The following CHCHD6 variants were observed in gnomAD, a reference collection of about 807,000 sequenced individuals.
CHCHD6 encodes the protein coiled-coil-helix-coiled-coil-helix domain containing 6.
CHCHD6 carries 28 observed loss-of-function variants against 32.3 expected under a neutral mutation model. That is an observed-to-expected ratio of 0.87 (90% confidence interval 0.64 to 1.19). The LOEUF (loss-of-function observed/expected upper bound fraction) is 1.19. Among genes scored for constraint, CHCHD6 ranks in the 50% most tolerant of loss-of-function variants. The pLI is 0.00. For missense variants in CHCHD6, 333 were observed against 307.0 expected, an observed-to-expected ratio of 1.08 and a Z score of -0.63; for synonymous variants, 122 against 117.5, an observed-to-expected ratio of 1.04 and a Z score of -0.25.
chr3:126,726,047 T>G (rs527992998), intron 1 of CHCHD6, among the ~76,000 whole-genome samples: 2 of 152,340 alleles, frequency 1.3e-5, no homozygotes, highest in Non-Finnish European at 2.9e-5. Flanking sequence ...CAACAACTTT[T>G]CCTAACTTGG....
Position 126,955,787 on chromosome 3 carries a change from C to G in CHCHD6, c.567-1629C>G, listed in dbSNP as rs147854134. 9.6e-3 allele frequency among the ~76,000 whole-genome samples: 1,466 copies of G among 152,254 alleles called. 6 individuals carry two copies. The highest frequency in any genetic ancestry group is 0.017 in the Non-Finnish European group (1,165 of 68,002). On this transcript the variant is annotated intron_variant, in intron 6 of 7. Transcript: ENST00000290913. ...CCTAGACAGTGAGTGGAGGAGAAAC[C>G]TGGAGTGGGGTTTGAGGGGAGCATT...
intron 4 of CHCHD6, among the ~76,000 whole-genome samples, chr3:126,851,489 G>A (rs934540992): frequency 1.3e-5 from 2 of 152,200 alleles, no homozygotes; most frequent in African/African-American, 2.4e-5. Flanking sequence ...GGAGCTTAGC[G>A]GAATACCTGA....
intron 4 of CHCHD6, among the ~76,000 whole-genome samples, chr3:126,828,296 A>G (rs1320537886): frequency 2.6e-5 from 4 of 152,236 alleles, no homozygotes; most frequent in African/African-American, 9.6e-5. Context: ...ACAGGTCCCA[A>G]CAACTCAACC....
chr3:126,777,667 C>T (rs554826048), intron 4 of CHCHD6, among the ~76,000 whole-genome samples: 290 of 152,300 alleles, frequency 1.9e-3, no homozygotes, highest in African/African-American at 6.7e-3. Context: ...AGCCCTGTAG[C>T]AGGCACGTTG....
intron 4 of CHCHD6, among the ~76,000 whole-genome samples, chr3:126,805,599 T>C (rs1939328709): frequency 6.6e-6 from 1 of 152,124 alleles, no homozygotes; most frequent in African/African-American, 2.4e-5. Flanking sequence ...ATAGGAAGAA[T>C]CAATATCGTG....
intron 4 of CHCHD6, among the ~76,000 whole-genome samples, chr3:126,763,265 CCCCTCCCCTCCCTTT>C (rs747085422): frequency 6.8e-6 from 1 of 146,716 alleles, no homozygotes; most frequent in Non-Finnish European, 1.5e-5. Flanking sequence ...TCCTTTCCTT[CCCCTCCCCTCCCTTT>C]CCCTCTTCTC....
intron 6 of CHCHD6, among the ~76,000 whole-genome samples, chr3:126,954,146 ATTG>A (rs2078753098): frequency 6.6e-6 from 1 of 152,112 alleles, no homozygotes; most frequent in East Asian, 1.9e-4. Flanking sequence ...GTCTCCTCAT[ATTG>A]TTCTGATAAG....
chr3:126,862,884 T>C (rs1308297028), intron 5 of CHCHD6, among the ~76,000 whole-genome samples: 4 of 100 alleles, frequency 0.04, no homozygotes, highest in Admixed American at 0.12. Context: ...CCACCATCAC[T>C]ACCTCCTCCT....
chr3:126,810,101 C>T (rs779888550), intron 4 of CHCHD6, among the ~76,000 whole-genome samples: 5 of 152,130 alleles, frequency 3.3e-5, no homozygotes, highest in Non-Finnish European at 7.4e-5. Flanking sequence ...CTGGAAGCTA[C>T]AAGACAATGG....
intron 7 of CHCHD6, among the ~76,000 whole-genome samples, chr3:126,958,355 T>G (rs578141488): frequency 4.6e-5 from 7 of 152,244 alleles, no homozygotes; most frequent in African/African-American, 1.4e-4. Flanking sequence ...GCGGCCTGTT[T>G]GTGAAAATGT....
chr3:126,948,978 C>T (rs2078677326), intron 6 of CHCHD6, among the ~76,000 whole-genome samples: 1 of 152,198 alleles, frequency 6.6e-6, no homozygotes, highest in Non-Finnish European at 1.5e-5. Context: ...CCCATGCTAC[C>T]CAGGCCAGAA....
At chr3:126,837,981 G>A (rs566276012) in intron 4 of CHCHD6, among the ~76,000 whole-genome samples, 23 of 152,252 alleles carry the variant, frequency 1.5e-4, no homozygotes, top group African/African-American at 4.3e-4. Flanking sequence ...TGAAGCCTCC[G>A]TTCCCTCATT....
At chr3:126,767,333 G>A in intron 4 of CHCHD6, 2 of 943,426 alleles carry the variant, frequency 2.1e-6, no homozygotes, top group Non-Finnish European at 3.5e-6. Flanking sequence ...TTCCATCAAG[G>A]CCAAGGTGTA....
intron 4 of CHCHD6, among the ~76,000 whole-genome samples, chr3:126,748,827 G>A (rs1304327890): frequency 6.6e-6 from 1 of 152,130 alleles, no homozygotes; most frequent in Non-Finnish European, 1.5e-5. Flanking sequence ...CCCGGGCTGG[G>A]CTGGCCATCC....
chr3:126,957,234 G>A lies in CHCHD6; in HGVS notation c.567-182G>A, dbSNP rs561798357. 1.8e-4 allele frequency: 122 copies of A among 683,604 alleles called. No homozygotes were observed. In the African/African-American group the frequency reaches 1.9e-3, roughly 10 times the overall value. The allele number at this position is 683,604 out of a possible 1,614,324, so 42.3% of individuals were successfully genotyped here. On this transcript the variant is annotated intron_variant, in intron 6 of 7. Transcript: ENST00000290913. ...CACCCACCACAGGGCTTGACCCTGC[G>A]ACCGTCCTCTCATTTCTAGAACGGG...
chr3:126,820,585 G>A (rs139965163), intron 4 of CHCHD6, among the ~76,000 whole-genome samples: 79 of 152,252 alleles, frequency 5.2e-4, no homozygotes, highest in African/African-American at 1.8e-3. Flanking sequence ...GTATTTCCTT[G>A]CCTGACTATA....
intron 4 of CHCHD6, among the ~76,000 whole-genome samples, chr3:126,812,477 G>A (rs187683438): frequency 6.6e-6 from 1 of 151,986 alleles, no homozygotes; most frequent in African/African-American, 2.4e-5. Context: ...CGGCTGGAGT[G>A]CAGTGGCGCG....
At chr3:126,805,000 AC>A (rs1465984014) in intron 4 of CHCHD6, among the ~76,000 whole-genome samples, 2 of 151,918 alleles carry the variant, frequency 1.3e-5, no homozygotes, top group East Asian at 1.9e-4. Context: ...AAATTCAACA[AC>A]CCTTCATGCT....
At chr3:126,860,404 T>C (rs1490729892) in intron 5 of CHCHD6, among the ~76,000 whole-genome samples, 1 of 151,774 alleles carries the variant, frequency 6.6e-6, no homozygotes, top group East Asian at 1.9e-4. Context: ...ATGAGAACAC[T>C]TGGACACAGG....
Sources: gnomAD v4.1 joint callset for allele counts (sites outside exome capture counted in the v4.1 genomes callset) on GRCh38, gnomAD v4.1.1 for gene constraint, MANE v1.5 for transcripts, NCBI Gene and HGNC (gene_info 2026-07-23, HGNC 2026-07-21) for gene names.